Variants in SBF2 observed in about 807,000 individuals in gnomAD.
SBF2 encodes the protein SET binding factor 2, also known as myotubularin-related protein 13.
A neutral mutation model predicts 225.2 loss-of-function variants in SBF2; 112 were observed. The observed-to-expected ratio is 0.50, with a 90% CI of 0.43 to 0.58. The LOEUF (loss-of-function observed/expected upper bound fraction) is 0.58, where lower values mean the gene tolerates loss of function less well. SBF2 is among the 20% of genes least tolerant of loss of function. The pLI is 0.00. For synonymous variants in SBF2, 763 were observed against 773.3 expected (o/e 0.99, Z 0.22); for missense variants, 1,996 against 2,206.2 (o/e 0.90, Z 1.91).
chr11:10,282,618 CACAT>C (rs1963491785), intron 1 of SBF2, among the ~76,000 whole-genome samples: 1 of 152,182 alleles, frequency 6.6e-6, no homozygotes, highest in South Asian at 2.1e-4. Flanking sequence ...CTTTACCCCT[CACAT>C]TCATTCATTA....
Position 9,780,353 on chromosome 11 carries a change from T to C in SBF2, c.*65A>G, listed in dbSNP as rs1851926659. On this transcript the variant is annotated 3_prime_UTR_variant, in exon 40 of 40. Transcript: ENST00000256190. ...TTGTCAGCTCCTCAAGGATCCATGCTTCTTTTTCTATCTATCTGGCAGCAT... is the reference window on the plus strand; with the variant it reads ...TTGTCAGCTCCTCAAGGATCCATGCCTCTTTTTCTATCTATCTGGCAGCAT... 7.1e-7 allele frequency: 1 copy of C among 1,408,204 alleles called. No homozygotes were observed. Among genetic ancestry groups the C allele is most frequent in the Non-Finnish European group, 1.0e-6 (1 of 1,001,384 alleles). The allele number at this position is 1,408,204 out of a possible 1,614,324, so 87.2% of individuals were successfully genotyped here.
intron 2 of SBF2, among the ~76,000 whole-genome samples, chr11:10,092,160 G>A (rs1166353504): frequency 6.6e-6 from 1 of 152,068 alleles, no homozygotes; most frequent in East Asian, 1.9e-4. Flanking sequence ...TAGAGAAAAA[G>A]CAAAGTTAGT....
chr11:9,858,082 G>C (rs1857447847), intron 18 of SBF2, 144 bp downstream of exon 18: 1 of 835,236 alleles, frequency 1.2e-6, no homozygotes, highest in African/African-American at 1.7e-5. Flanking sequence ...AATCAACAGA[G>C]GAAAGATATC....
At chr11:9,923,644 G>A (rs1368762923) in intron 16 of SBF2, among the ~76,000 whole-genome samples, 2 of 151,860 alleles carry the variant, frequency 1.3e-5, no homozygotes, top group Non-Finnish European at 2.9e-5. Flanking sequence ...CATTTTCTAG[G>A]CAGGCTCCTC....
Position 9,850,148 on chromosome 11 carries a change from T to C in SBF2, c.2681A>G (p.Asp894Gly), listed in dbSNP as rs552340604. The part of the protein sequence containing the change: ...IVCEGLRVLL[D>G]PDGREEATGG... ...AGTAGCTTCTTCTCTTCCATCAGGATCCAGCAAGACTCGAAGACCCTCACA... is the reference window on the plus strand; with the variant it reads ...AGTAGCTTCTTCTCTTCCATCAGGACCCAGCAAGACTCGAAGACCCTCACA... The change falls in exon 22 of 40, where the codon GAT becomes GGT. Residue 894 changes from aspartate to glycine, a missense_variant. Physicochemically the swap from Asp to Gly is moderately conservative, Grantham distance 94. Coordinates refer to ENST00000256190, the MANE Select transcript of SBF2 (RefSeq NM_030962.4). 1.4e-5 allele frequency: 22 copies of C among 1,613,976 alleles called. No individual in the cohort carries two copies. The highest frequency in any genetic ancestry group is 2.2e-5 in the East Asian group (1 of 44,886).
At chr11:10,047,412 G>A (rs1490515396) in intron 2 of SBF2, among the ~76,000 whole-genome samples, 14 of 152,138 alleles carry the variant, frequency 9.2e-5, no homozygotes, top group Admixed American at 9.2e-4. Context: ...ACTGGCAAAA[G>A]AATAGGCAAA....
intron 2 of SBF2, among the ~76,000 whole-genome samples, chr11:10,156,034 G>A (rs113469689): frequency 0.22 from 33,590 of 152,056 alleles, 4,264 homozygotes; most frequent in Non-Finnish European, 0.3. Context: ...AGCTGCAGCC[G>A]CCCAGCTGCA....
chr11:10,021,447 C>CA (rs138053889), intron 6 of SBF2, among the ~76,000 whole-genome samples: 14,015 of 150,298 alleles, frequency 0.093, 838 homozygotes, highest in East Asian at 0.28. Context: ...GCCAAAAAAA[C>CA]AAAAAAAACA....
At chr11:10,052,619 AT>A (rs1233729497) in intron 2 of SBF2, among the ~76,000 whole-genome samples, 1 of 152,208 alleles carries the variant, frequency 6.6e-6, no homozygotes, top group East Asian at 1.9e-4. Flanking sequence ...TGTTTGTTTA[AT>A]TGCCCAAATG....
intron 11 of SBF2, 53 bp downstream of exon 11, chr11:9,992,937 T>C: frequency 1.5e-6 from 2 of 1,297,136 alleles, no homozygotes; most frequent in East Asian, 2.3e-5. Context: ...CAAGTAGTTT[T>C]ATTAAATTAG....
chr11:10,153,950 T>C (rs1436498838), intron 2 of SBF2, among the ~76,000 whole-genome samples: 2 of 151,940 alleles, frequency 1.3e-5, no homozygotes, highest in South Asian at 4.1e-4. Flanking sequence ...TCTTTATACA[T>C]TTTTTTTAAA....
intron 1 of SBF2, among the ~76,000 whole-genome samples, chr11:10,211,910 C>G (rs563791978): frequency 6.6e-6 from 1 of 152,200 alleles, no homozygotes; most frequent in Non-Finnish European, 1.5e-5. Flanking sequence ...AAAGAGACCA[C>G]ATGTGGAACC....
At chr11:10,210,842 G>A (rs1358786493) in intron 1 of SBF2, among the ~76,000 whole-genome samples, 5 of 151,714 alleles carry the variant, frequency 3.3e-5, no homozygotes, top group Non-Finnish European at 7.4e-5. Context: ...GTGAAACCCC[G>A]TCTCTGCTGA....
At chr11:10,124,907 C>A (rs1200109603) in intron 2 of SBF2, among the ~76,000 whole-genome samples, 1 of 151,872 alleles carries the variant, frequency 6.6e-6, no homozygotes, top group Admixed American at 6.6e-5. Context: ...GAGTTGGAGA[C>A]CAGCCTGACC....
intron 3 of SBF2, among the ~76,000 whole-genome samples, chr11:10,032,353 T>C (rs769669089): frequency 1.3e-5 from 2 of 152,232 alleles, no homozygotes; most frequent in Non-Finnish European, 2.9e-5. Context: ...ATCTCTTGTG[T>C]GGATTACTCT....
At position 9,856,690 on chromosome 11, in the gene SBF2, TCTC is replaced by T. The variant is rs1590234980; in HGVS notation, c.2128_2130del (p.Glu710del). ...TCAGCTGCCAGGTCCATTGCTGTCT[TCTC>T]CTGATAATGGTCATCAGGAAGCTTA... is the stretch of plus-strand genomic sequence containing the variant. On this transcript the variant is annotated inframe_deletion, in exon 19 of 40. Coordinates refer to ENST00000256190, the MANE Select transcript of SBF2 (RefSeq NM_030962.4). 2 of 1,613,962 alleles carry T rather than the reference TCTC, an allele frequency of 1.2e-6. No individual in the cohort carries two copies.
intron 1 of SBF2, among the ~76,000 whole-genome samples, chr11:10,238,049 T>C (rs1230212411): frequency 6.6e-6 from 1 of 152,208 alleles, no homozygotes; most frequent in Non-Finnish European, 1.5e-5. Context: ...TTGAAGCCTG[T>C]TTCTGATAAC....
intron 2 of SBF2, among the ~76,000 whole-genome samples, chr11:10,184,714 G>A (rs566838973): frequency 4.9e-4 from 74 of 152,126 alleles, no homozygotes; most frequent in Middle Eastern, 6.8e-3. Context: ...ACAGTATTTT[G>A]TTTTGTTTTT....
chr11:10,056,326 T>A (rs894193417), intron 2 of SBF2, among the ~76,000 whole-genome samples: 1 of 152,228 alleles, frequency 6.6e-6, no homozygotes, highest in African/African-American at 2.4e-5. Flanking sequence ...GTACATTGCT[T>A]TGGGCAGTGT....
Sources: gnomAD v4.1 joint callset for allele counts (sites outside exome capture counted in the v4.1 genomes callset) on GRCh38, gnomAD v4.1.1 for gene constraint, MANE v1.5 for transcripts, NCBI Gene and HGNC (gene_info 2026-07-23, HGNC 2026-07-21) for gene names.